The following SEMA4B variants were observed in gnomAD, a reference collection of about 807,000 sequenced individuals.
SEMA4B encodes the protein semaphorin-4B.
Under a neutral mutation model 88.1 loss-of-function variants are expected in SEMA4B, and 55 were observed. That is an observed-to-expected ratio of 0.62 (90% confidence interval 0.50 to 0.78). The LOEUF (loss-of-function observed/expected upper bound fraction) is 0.78, where lower values mean the gene tolerates loss of function less well. Among genes scored for constraint, SEMA4B ranks in the 30% least tolerant of loss-of-function variants. SEMA4B has a pLI of 0.00. For missense variants in SEMA4B, 1,062 were observed against 1,111.9 expected (o/e 0.96, Z 0.64); for synonymous variants, 525 against 473.6 (o/e 1.11, Z -1.41).
At chr15:90,190,118 C>T (rs72760438) in intron 1 of SEMA4B, among the ~76,000 whole-genome samples, 3,879 of 152,286 alleles carry the variant, frequency 0.025, 73 homozygotes, top group Non-Finnish European at 0.037. Flanking sequence ...GCCCACCAGC[C>T]GGACCCTCAT....
intron 1 of SEMA4B, among the ~76,000 whole-genome samples, chr15:90,205,483 C>A (rs1387657105): frequency 1.3e-5 from 2 of 152,240 alleles, no homozygotes; most frequent in African/African-American, 4.8e-5. Context: ...AGCTTGCCAC[C>A]CTTACTAACT....
chr15:90,206,662 A>G lies in SEMA4B; in HGVS notation c.157+4927A>G, dbSNP rs1961004835. 4 of 682,178 alleles carry G rather than the reference A, an allele frequency of 5.9e-6. No homozygotes were observed. The South Asian group carries it at 6.3e-5, about 11-fold the overall frequency. The allele number at this position is 682,178 out of a possible 1,614,324, so 42.3% of individuals were successfully genotyped here. A position where few individuals can be genotyped will look rare whatever the true frequency, so the allele number is the denominator to read the frequency against. Reference sequence around the variant, plus strand: ...AGACAGCCCTCATCCACGATGGCCTAGCACATGGAATTCGCAAAGCTACCA... The same window carrying G: ...AGACAGCCCTCATCCACGATGGCCTGGCACATGGAATTCGCAAAGCTACCA... On this transcript the variant is annotated intron_variant, in intron 1 of 13. Coordinates refer to ENST00000411539, the MANE Select transcript of SEMA4B (RefSeq NM_198925.4).
chr15:90,191,417 G>A (rs1960339773), intron 1 of SEMA4B, among the ~76,000 whole-genome samples: 1 of 152,226 alleles, frequency 6.6e-6, no homozygotes, highest in Non-Finnish European at 1.5e-5. Flanking sequence ...ACTTTCATGG[G>A]GAGGTGAACC....
At position 90,225,719 on chromosome 15, in the gene SEMA4B, G is replaced by A. The variant is rs747850829; in HGVS notation, c.1580G>A (p.Ser527Asn). ...GVVQVPMANC[S>N]LYRSCGDCLL... ...GTCCAGGTGCCCATGGCCAACTGCA[G>A]CCTGTACAGGAGCTGTGGGGACTGC... Residue 527 changes from serine (S) to asparagine (N), a missense_variant, in exon 12 of 14, where the codon AGC becomes AAC. Ser to Asn is a conservative substitution (Grantham distance 46). Transcript: ENST00000411539. The A allele has an allele frequency of 5.1e-6, 8 of 1,570,140 alleles. No individual in the cohort carries two copies. Among genetic ancestry groups the A allele is most frequent in the Non-Finnish European group, 6.9e-6 (8 of 1,158,690 alleles).
In SEMA4B at chr15:90,212,990, G is replaced by C. The variant is rs1245945411; in HGVS notation, c.158-4449G>C. Among the ~76,000 whole-genome samples the C allele has an allele frequency of 6.6e-6, 1 of 152,180 alleles. No individual in the cohort carries two copies. The highest frequency in any genetic ancestry group is 1.5e-5 in the Non-Finnish European group (1 of 68,042). Reference sequence around the variant, plus strand: ...CTCACCGGGCCGGATTTTCCTGCGGGGCTTTTGGATTTTGTTTTTGAGTCA... The same window carrying C: ...CTCACCGGGCCGGATTTTCCTGCGGCGCTTTTGGATTTTGTTTTTGAGTCA... On this transcript the variant is annotated intron_variant, in intron 1 of 13. Coordinates refer to ENST00000411539, the MANE Select transcript of SEMA4B (RefSeq NM_198925.4). This position sits in a 1 kb window ranked among gnomAD's most constrained non-coding sequence, Gnocchi z 4.0.
intron 12 of SEMA4B, 74 bp downstream of exon 12, chr15:90,225,901 T>C: frequency 8.1e-7 from 1 of 1,238,596 alleles, no homozygotes; most frequent in Non-Finnish European, 1.1e-6. Flanking sequence ...TCCTGGGCCC[T>C]CCTTGGGACC....
rs550604824 is a variant in SEMA4B at position 90,224,502 on chromosome 15, C to T, written c.1195-466C>T. ...GAAACCAAAAGAGGGTGTGTCAGCA[C>T]GCTGTTGTTGCTGTGGGCAGCTGGA... On this transcript the variant is annotated intron_variant, in intron 9 of 13. Transcript: ENST00000411539. Among the ~76,000 whole-genome samples, 202 of 152,312 alleles carry T rather than the reference C, an allele frequency of 1.3e-3. 2 individuals carry two copies. The highest frequency in any genetic ancestry group is 4.5e-3 in the African/African-American group (189 of 41,562).
At position 90,228,902 on chromosome 15, in the gene SEMA4B, T is replaced by A. The variant is rs144289062; in HGVS notation, c.*259T>A. On this transcript the variant is annotated 3_prime_UTR_variant, in exon 14 of 14. Transcript: ENST00000411539. The stretch of plus-strand genomic sequence containing the variant: ...TAGGTTGGTGGAACAGTGCTCCTTA[T>A]GTAAACTGAGCCCTTTGTTTAAAAA... 1.7e-6 allele frequency: 1 copy of A among 575,370 alleles called. No individual in the cohort carries two copies. The highest frequency in any genetic ancestry group is 1.9e-5 in the African/African-American group (1 of 53,190). 35.6% of individuals were successfully genotyped at this position (575,370 alleles called of 1,614,324 possible). A position where few individuals can be genotyped will look rare whatever the true frequency, so the allele number is the denominator to read the frequency against.
chr15:90,219,882 T>C lies in SEMA4B; in HGVS notation c.474T>C (p.Cys158=), dbSNP rs199732662. The C allele has an allele frequency of 2.1e-4, 338 of 1,611,706 alleles. No individual in the cohort carries two copies. Among genetic ancestry groups the C allele is most frequent in the Non-Finnish European group, 2.6e-4 (306 of 1,178,902 alleles). ...GCACAGCAGCCTTCAGCCCCATGTG[T>C]ACCTACATCGTGAGTGACCTGTCCT... is the stretch of plus-strand genomic sequence containing the variant. ...TCGTAAFSPM[C]TYINMENFTL... is the part of the protein sequence containing the mutation. The change falls in exon 4 of 14, where the codon TGT becomes TGC. Residue 158 remains cysteine (C), a synonymous_variant. Transcript: ENST00000411539.
At chr15:90,203,937 C>G (rs1960866231) in intron 1 of SEMA4B, among the ~76,000 whole-genome samples, 1 of 152,220 alleles carries the variant, frequency 6.6e-6, no homozygotes, top group Non-Finnish European at 1.5e-5. Context: ...TGAGTTGCCA[C>G]TATACCCTGG....
At chr15:90,224,635 C>T (rs1433694395) in intron 9 of SEMA4B, among the ~76,000 whole-genome samples, 1 of 152,188 alleles carries the variant, frequency 6.6e-6, no homozygotes, top group Admixed American at 6.5e-5. Context: ...GGACGCTCTG[C>T]CCGGCCAGGG....
Position 90,212,869 on chromosome 15 carries a change from G to C in SEMA4B, c.158-4570G>C, listed in dbSNP as rs1416606565. ...GGCCATGAGACCCTCGTGTGACCAGGTGCGTGCCTAAGTTAGAATCGCCCA... is the reference window on the plus strand; with the variant it reads ...GGCCATGAGACCCTCGTGTGACCAGCTGCGTGCCTAAGTTAGAATCGCCCA... On this transcript the variant is annotated intron_variant, in intron 1 of 13. Coordinates refer to ENST00000411539, the MANE Select transcript of SEMA4B (RefSeq NM_198925.4). This position sits in a 1 kb window ranked among gnomAD's most constrained non-coding sequence, Gnocchi z 4.0. Among the ~76,000 whole-genome samples the C allele has an allele frequency of 6.6e-6, 1 of 152,230 alleles. No homozygotes were observed.
chr15:90,224,914 C>G (rs1962060769), intron 9 of SEMA4B, 54 bp from the exon 10 acceptor site: 1 of 1,493,016 alleles, frequency 6.7e-7, no homozygotes, highest in Non-Finnish European at 9.3e-7. Context: ...GGGCCCGCAT[C>G]CTGCCTGCCA....
upstream of SEMA4B, among the ~76,000 whole-genome samples, chr15:90,199,861 G>C (rs1387574384): frequency 1.3e-5 from 2 of 152,084 alleles, no homozygotes; most frequent in African/African-American, 4.8e-5. Context: ...GGAGTTAAGG[G>C]CTGAGCAGGG....
At chr15:90,214,494 G>A (rs1050245579) in intron 1 of SEMA4B, among the ~76,000 whole-genome samples, 2 of 151,364 alleles carry the variant, frequency 1.3e-5, no homozygotes, top group South Asian at 4.2e-4. Context: ...TTTGCCGGGC[G>A]TGGTGACATA....
chr15:90,222,954 G>GTGTATATATA (rs1555423712), intron 7 of SEMA4B, among the ~76,000 whole-genome samples: 17 of 130,548 alleles, frequency 1.3e-4, no homozygotes, highest in Non-Finnish European at 2.1e-4. Context: ...GTAACTCTGT[G>GTGTATATATA]TATATATATA....
chr15:90,214,259 G>A (rs1182072515), intron 1 of SEMA4B, among the ~76,000 whole-genome samples: 2 of 150,134 alleles, frequency 1.3e-5, no homozygotes, highest in South Asian at 2.1e-4. Context: ...CAGGAGAATC[G>A]CTTGAACCTG....
At chr15:90,219,957 C>A in intron 4 of SEMA4B, 66 bp downstream of exon 4, 1 of 1,279,246 alleles carries the variant, frequency 7.8e-7, no homozygotes, top group South Asian at 1.2e-5. Flanking sequence ...CCCAGGGATC[C>A]TGTTCTGTAG....
chr15:90,188,394 G>A lies in SEMA4B; in HGVS notation c.-122+3313G>A, dbSNP rs537907531. 5.0e-4 allele frequency among the ~76,000 whole-genome samples: 76 copies of A among 151,868 alleles called. 1 individual carries two copies. Among genetic ancestry groups the A allele is most frequent in the African/African-American group, 1.8e-3 (74 of 41,446 alleles). Reference sequence around the variant, plus strand: ...TGTAATCCTAGCATTTTGGGAGGCCGAGGTGGGCGGATCACCTGAGGTCAG... The same window carrying A: ...TGTAATCCTAGCATTTTGGGAGGCCAAGGTGGGCGGATCACCTGAGGTCAG... On this transcript the variant is annotated intron_variant, in intron 1 of 14. Transcript: ENST00000332496.
Sources: allele counts gnomAD v4.1 joint callset (sites outside exome capture counted in the v4.1 genomes callset), GRCh38; gene constraint gnomAD v4.1.1; non-coding constraint Gnocchi (gnomAD v3.1); transcripts MANE v1.5; gene names NCBI Gene and HGNC (gene_info 2026-07-23, HGNC 2026-07-21).